Variants in DPP10 observed in about 807,000 individuals in gnomAD.
DPP10 encodes inactive dipeptidyl peptidase 10.
Under a neutral mutation model 120.9 loss-of-function variants are expected in DPP10, and 33 were observed. The observed-to-expected ratio is 0.27, with a 90% CI of 0.21 to 0.37. The LOEUF (loss-of-function observed/expected upper bound fraction) is 0.37, where lower values mean the gene tolerates loss of function less well. DPP10 is among the 10% of genes least tolerant of loss of function. DPP10 has a pLI of 1.00. For missense variants in DPP10, 816 were observed against 942.8 expected, an observed-to-expected ratio of 0.87 and a Z score of 1.76; for synonymous variants, 337 against 326.1, an observed-to-expected ratio of 1.03 and a Z score of -0.36.
chr2:115,123,041 A>G (rs1265992181), intron 1 of DPP10, among the ~76,000 whole-genome samples: 1 of 152,206 alleles, frequency 6.6e-6, no homozygotes, highest in African/African-American at 2.4e-5. Flanking sequence ...GAGGTGTCTT[A>G]CCACTAGGGA....
At chr2:114,459,366 C>T (rs1296199022) in intron 1 of DPP10, among the ~76,000 whole-genome samples, 30 of 152,146 alleles carry the variant, frequency 2.0e-4, no homozygotes, top group Admixed American at 2.0e-3. Context: ...TTATATCAGT[C>T]AGTGGTCCAT....
At chr2:114,548,134 A>G (rs1430112) in intron 1 of DPP10, among the ~76,000 whole-genome samples, 42,075 of 152,044 alleles carry the variant, frequency 0.28, 6,738 homozygotes, top group African/African-American at 0.46. Flanking sequence ...AAGATTACAT[A>G]AGATGAAATA....
At chr2:114,656,398 A>G (rs7607402) in intron 1 of DPP10, among the ~76,000 whole-genome samples, 47,918 of 151,920 alleles carry the variant, frequency 0.32, 9,503 homozygotes, top group African/African-American at 0.55. Context: ...TTTGCAGAAG[A>G]TAAAAAAGGA....
intron 19 of DPP10, among the ~76,000 whole-genome samples, chr2:115,800,033 T>C (rs1312758598): frequency 3.3e-5 from 5 of 151,590 alleles, no homozygotes; most frequent in Admixed American, 6.6e-5. Flanking sequence ...ATGGTTGAAC[T>C]AGTTTACAGT....
intron 3 of DPP10, among the ~76,000 whole-genome samples, chr2:115,495,440 A>T (rs2076347080): frequency 2.0e-5 from 3 of 151,324 alleles, no homozygotes; most frequent in Admixed American, 6.6e-5. Context: ...TCCTAGAACA[A>T]ACAGTAAAAT....
At chr2:114,830,650 C>G (rs1237743151) in intron 1 of DPP10, among the ~76,000 whole-genome samples, 1 of 152,104 alleles carries the variant, frequency 6.6e-6, no homozygotes, top group East Asian at 1.9e-4. Flanking sequence ...ATATAACAAC[C>G]TCTTATTTTT....
chr2:115,811,782 T>C (rs911663089), intron 19 of DPP10, among the ~76,000 whole-genome samples: 3 of 152,142 alleles, frequency 2.0e-5, no homozygotes, highest in African/African-American at 4.8e-5. Flanking sequence ...CATTGGTCCA[T>C]CTAGAAAATG....
Position 115,263,766 on chromosome 2 carries a change from G to A in DPP10, c.61-45473G>A, listed in dbSNP as rs543358138. On this transcript the variant is annotated intron_variant, in intron 1 of 25. Transcript: ENST00000410059. ...AGTCAAGAGTTGCTCCATCGGATTA[G>A]TATTTATTTTCAATTGCCTTCCTTA... is the stretch of plus-strand genomic sequence containing the variant. 1.2e-4 allele frequency among the ~76,000 whole-genome samples: 18 copies of A among 152,226 alleles called. No homozygotes were observed. In the South Asian group the frequency reaches 2.3e-3, roughly 19 times the overall value.
At chr2:114,473,895 A>G (rs978409985) in intron 1 of DPP10, among the ~76,000 whole-genome samples, 29 of 152,326 alleles carry the variant, frequency 1.9e-4, no homozygotes, top group African/African-American at 6.7e-4. Context: ...ACACACTTAT[A>G]TACATTTGGC....
At chr2:115,598,862 G>T in intron 5 of DPP10, among the ~76,000 whole-genome samples, 2 of 148,012 alleles carry the variant, frequency 1.4e-5, no homozygotes, top group East Asian at 2.0e-4. Context: ...AGGTTTGACA[G>T]AAATAAATTT....
intron 5 of DPP10, among the ~76,000 whole-genome samples, chr2:115,659,036 C>T (rs1051928901): frequency 5.3e-5 from 8 of 152,094 alleles, no homozygotes; most frequent in African/African-American, 2.4e-5. Context: ...TCATGAATGG[C>T]AGGATTAATG....
At position 115,791,112 on chromosome 2, in the gene DPP10, G is replaced by A. The variant is rs765401569; in HGVS notation, c.1563G>A (p.Leu521=). The change falls in exon 18 of 26, where the codon CTG becomes CTA. Residue 521 remains leucine (L), a synonymous_variant. Coordinates refer to ENST00000410059, the MANE Select transcript of DPP10 (RefSeq NM_020868.6). The stretch of plus-strand genomic sequence containing the variant: ...TTATATTGGAAAGCAATTCTATGCT[G>A]AAGGAAGCTATCCTGAAGAAGAAGA... ...KYFILESNSM[L]KEAILKKKIG... 6.2e-7 allele frequency: 1 copy of A among 1,613,386 alleles called. No homozygotes were observed. The highest frequency in any genetic ancestry group is 8.5e-7 in the Non-Finnish European group (1 of 1,179,676).
intron 1 of DPP10, among the ~76,000 whole-genome samples, chr2:115,270,915 AAAG>A (rs766039198): frequency 3.9e-5 from 6 of 152,174 alleles, no homozygotes; most frequent in Non-Finnish European, 1.5e-5. Flanking sequence ...TCTTCATTAA[AAAG>A]CTGCAAATTA....
chr2:114,751,908 A>G (rs1679262828), intron 1 of DPP10, among the ~76,000 whole-genome samples: 1 of 152,172 alleles, frequency 6.6e-6, no homozygotes. Flanking sequence ...GGATTTTATT[A>G]AAGTGCAGAT....
At position 115,687,021 on chromosome 2, in the gene DPP10, G is replaced by A. The variant is rs1015236815; in HGVS notation, c.442-2666G>A. Among the ~76,000 whole-genome samples, 4 of 151,912 alleles carry A rather than the reference G, an allele frequency of 2.6e-5. No individual in the cohort carries two copies. The East Asian group carries it at 5.8e-4, about 22-fold the overall frequency. ...TAAGACCTACTTAGCCGTATGGAAG[G>A]GGAGTTTAAGATAAAGGAAATTGAG... On this transcript the variant is annotated intron_variant, in intron 5 of 25. Coordinates refer to ENST00000410059, the MANE Select transcript of DPP10 (RefSeq NM_020868.6).
At chr2:115,823,070 C>A (rs982944083) in intron 21 of DPP10, among the ~76,000 whole-genome samples, 1 of 151,916 alleles carries the variant, frequency 6.6e-6, no homozygotes, top group Non-Finnish European at 1.5e-5. Flanking sequence ...AAACAAATAT[C>A]TTTTATTTTT....
chr2:115,137,341 C>T (rs1445187249), intron 1 of DPP10, among the ~76,000 whole-genome samples: 1 of 152,190 alleles, frequency 6.6e-6, no homozygotes, highest in Non-Finnish European at 1.5e-5. Flanking sequence ...AGCCATCTGG[C>T]AGTGAACCAG....
rs182430432 is a variant in DPP10, at chr2:115,087,289, G to C, written c.61-221950G>C. Among the ~76,000 whole-genome samples, 10 of 152,244 alleles carry C rather than the reference G, an allele frequency of 6.6e-5. No homozygotes were observed. The South Asian group carries it at 2.1e-3, about 32-fold the overall frequency. On this transcript the variant is annotated intron_variant, in intron 1 of 25. Coordinates refer to ENST00000410059, the MANE Select transcript of DPP10 (RefSeq NM_020868.6). ...AGATTCCTTCAAGGAAGTGGTTGAA[G>C]GAAGGGATGGATTTTAGGGATTGGT...
At chr2:114,938,547 G>A (rs1213221897) in intron 1 of DPP10, among the ~76,000 whole-genome samples, 1 of 152,024 alleles carries the variant, frequency 6.6e-6, no homozygotes, top group Non-Finnish European at 1.5e-5. Flanking sequence ...AAAAATTCAT[G>A]GAGATATCTT....
Sources: allele counts gnomAD v4.1 joint callset (sites outside exome capture counted in the v4.1 genomes callset), GRCh38; gene constraint gnomAD v4.1.1; transcripts MANE v1.5; gene names NCBI Gene and HGNC (gene_info 2026-07-23, HGNC 2026-07-21).